Variants in SPOCK1 observed in about 807,000 individuals in gnomAD.
SPOCK1 encodes SPARC (osteonectin), cwcv and kazal like domains proteoglycan 1.
Under a neutral mutation model 55.3 loss-of-function variants are expected in SPOCK1, and 23 were observed. That is an observed-to-expected ratio of 0.42 (90% confidence interval 0.30 to 0.59). The LOEUF is 0.59. Among genes scored for constraint, SPOCK1 ranks in the 20% least tolerant of loss-of-function variants. The pLI is 0.22. For synonymous variants in SPOCK1, 226 were observed against 221.0 expected (o/e 1.02, Z -0.20); for missense variants, 499 against 552.5 (o/e 0.90, Z 0.97).
chr5:137,365,808 A>C (rs1436198717), intron 2 of SPOCK1, among the ~76,000 whole-genome samples: 2 of 152,248 alleles, frequency 1.3e-5, no homozygotes, highest in Non-Finnish European at 2.9e-5. Flanking sequence ...CTATATTTTT[A>C]ACAGGCACTT....
chr5:137,035,318 C>G (rs1432358893), intron 6 of SPOCK1, among the ~76,000 whole-genome samples: 1 of 152,186 alleles, frequency 6.6e-6, no homozygotes, highest in Non-Finnish European at 1.5e-5. Flanking sequence ...GTCTGAATCA[C>G]AGAACCCCTG....
chr5:137,370,159 G>A (rs912869557), intron 2 of SPOCK1, among the ~76,000 whole-genome samples: 3 of 152,102 alleles, frequency 2.0e-5, no homozygotes, highest in Admixed American at 1.3e-4. Flanking sequence ...AGGACCAACC[G>A]ATTCTGCACC....
chr5:137,412,721 A>G (rs983551746), intron 2 of SPOCK1, among the ~76,000 whole-genome samples: 4 of 152,232 alleles, frequency 2.6e-5, no homozygotes, highest in Admixed American at 2.0e-4. Flanking sequence ...CCTGTGATCC[A>G]AGGCAGGGAC....
At chr5:137,010,057 C>CT (rs1751322298) in intron 6 of SPOCK1, among the ~76,000 whole-genome samples, 2 of 152,110 alleles carry the variant, frequency 1.3e-5, no homozygotes, top group Admixed American at 1.3e-4. Context: ...AGTCTACCTC[C>CT]CCCTCCTTGG....
chr5:137,274,851 C>G (rs2127121599), intron 2 of SPOCK1, among the ~76,000 whole-genome samples: 1 of 152,290 alleles, frequency 6.6e-6, no homozygotes, highest in African/African-American at 2.4e-5. Flanking sequence ...CACGTACTAT[C>G]TAAGATTCGG....
Position 136,988,288 on chromosome 5 carries a change from G to C in SPOCK1, c.928+134C>G, listed in dbSNP as rs1750880917. 3 of 664,436 alleles carry C rather than the reference G, an allele frequency of 4.5e-6. No homozygotes were observed. The East Asian group carries it at 7.9e-5, about 17-fold the overall frequency. 41.2% of individuals were successfully genotyped at this position (664,436 alleles called of 1,614,324 possible). ...TAAACTGGAAGAAATGAGACTTTGG[G>C]CCTGGCATTAAATGGAATGAATTAT... On this transcript the variant is annotated intron_variant, in intron 8 of 10. Transcript: ENST00000394945.
At position 137,426,025 on chromosome 5, in the gene SPOCK1, T is replaced by A. The variant is rs143653369; in HGVS notation, c.186+72348A>T. ...CCAACTCATTCTAGCTTAGCGTCTA[T>A]CCAGAAATTAGGTACTACACCCAAC... On this transcript the variant is annotated intron_variant, in intron 2 of 10. Transcript: ENST00000394945. 3.7e-3 allele frequency among the ~76,000 whole-genome samples: 557 copies of A among 149,520 alleles called. 5 individuals are homozygous for A. Among genetic ancestry groups the A allele is most frequent in the African/African-American group, 0.013 (536 of 40,736 alleles).
chr5:137,461,107 G>A (rs1753480933), intron 2 of SPOCK1, among the ~76,000 whole-genome samples: 3 of 152,166 alleles, frequency 2.0e-5, no homozygotes, highest in Non-Finnish European at 4.4e-5. Flanking sequence ...AGGAGAGCGG[G>A]GACCTCTTCC....
chr5:137,245,951 C>T (rs1478540101), intron 3 of SPOCK1, among the ~76,000 whole-genome samples: 3 of 152,200 alleles, frequency 2.0e-5, no homozygotes, highest in Non-Finnish European at 4.4e-5. Context: ...GTCCCAGCTT[C>T]TCTGACCAAC....
chr5:136,984,268 C>A (rs2126959537), intron 9 of SPOCK1, among the ~76,000 whole-genome samples: 1 of 152,296 alleles, frequency 6.6e-6, no homozygotes, highest in Admixed American at 6.5e-5. Flanking sequence ...CTACATTTGA[C>A]AATCTGCAAG....
chr5:137,196,685 T>C (rs537863742), intron 3 of SPOCK1, among the ~76,000 whole-genome samples: 131 of 152,382 alleles, frequency 8.6e-4, no homozygotes, highest in African/African-American at 3.0e-3. Flanking sequence ...TCTGGAGCAC[T>C]GTGTGCCTCT....
At chr5:137,149,950 T>C (rs527621813) in intron 3 of SPOCK1, among the ~76,000 whole-genome samples, 1 of 152,280 alleles carries the variant, frequency 6.6e-6, no homozygotes, top group African/African-American at 2.4e-5. Flanking sequence ...GTTGTGAGGA[T>C]CTGATGGGAT....
chr5:137,377,512 A>G (rs1256046861), intron 2 of SPOCK1, among the ~76,000 whole-genome samples: 2 of 152,206 alleles, frequency 1.3e-5, no homozygotes, highest in Non-Finnish European at 2.9e-5. Context: ...AGTTGATTTA[A>G]CTTTAGAAAA....
At chr5:137,175,262 A>G (rs1754833099) in intron 3 of SPOCK1, among the ~76,000 whole-genome samples, 1 of 152,174 alleles carries the variant, frequency 6.6e-6, no homozygotes, top group African/African-American at 2.4e-5. Flanking sequence ...GGGTAGTAAA[A>G]CCATGTGATC....
intron 3 of SPOCK1, among the ~76,000 whole-genome samples, chr5:137,235,998 C>G (rs1756173235): frequency 6.6e-6 from 1 of 152,256 alleles, no homozygotes; most frequent in Non-Finnish European, 1.5e-5. Context: ...CAGGGAGAGC[C>G]TCCACTCTGT....
At chr5:137,470,125 G>A (rs764087845) in intron 2 of SPOCK1, among the ~76,000 whole-genome samples, 4 of 151,974 alleles carry the variant, frequency 2.6e-5, no homozygotes, top group Non-Finnish European at 5.9e-5. Context: ...TGATGTTTGT[G>A]GCACTCACCT....
chr5:137,172,284 GC>G (rs1754767660), intron 3 of SPOCK1, among the ~76,000 whole-genome samples: 1 of 152,160 alleles, frequency 6.6e-6, no homozygotes, highest in Non-Finnish European at 1.5e-5. Context: ...ACTTTCCTGA[GC>G]CCCTCCATTC....
Position 137,292,426 on chromosome 5 carries a change from TAAAAAAAAAAAAAAAAAAAAAAAAA to T in SPOCK1, c.187-25396_187-25372del, listed in dbSNP as rs753574851. 6.1e-3 allele frequency among the ~76,000 whole-genome samples: 232 copies of T among 38,008 alleles called. 4 individuals carry two copies. Among genetic ancestry groups the T allele is most frequent in the African/African-American group, 0.018 (190 of 10,790 alleles). The allele number at this position is 38,008 out of a possible 152,430, so 24.9% of individuals were successfully genotyped here. ...TATGCTGTCCATTCACTGGTGTAGT[TAAAAAAAAAAAAAAAAAAAAAAAAA>T]AAAAAAAAAAAAAAAAAAAAGTTGG... is the stretch of plus-strand genomic sequence containing the variant. On this transcript the variant is annotated intron_variant, in intron 2 of 10. Coordinates refer to ENST00000394945, the MANE Select transcript of SPOCK1 (RefSeq NM_004598.4).
chr5:137,126,627 T>C (rs1455305491), intron 4 of SPOCK1, among the ~76,000 whole-genome samples: 2 of 152,088 alleles, frequency 1.3e-5, no homozygotes, highest in Non-Finnish European at 2.9e-5. Flanking sequence ...CCAGGCATGG[T>C]GGTGCATGCC....
Sources: allele counts gnomAD v4.1 joint callset (sites outside exome capture counted in the v4.1 genomes callset), GRCh38; gene constraint gnomAD v4.1.1; transcripts MANE v1.5; gene names NCBI Gene and HGNC (gene_info 2026-07-23, HGNC 2026-07-21).